NUP210L: variants seen among roughly 807,000 people sequenced by gnomAD.
The protein encoded by NUP210L is nuclear pore membrane glycoprotein 210-like.
In NUP210L, 74 loss-of-function variants were observed where a neutral mutation model predicts 208.5. The ratio of observed to expected loss-of-function variants is 0.35; its 90% CI spans 0.29 to 0.43. The LOEUF is 0.43. Among genes scored for constraint, NUP210L ranks in the 20% least tolerant of loss-of-function variants. The probability of loss-of-function intolerance (pLI) is 1.00; values close to 1 mark genes in which losing one functional copy is unlikely to be tolerated. For synonymous variants in NUP210L, 780 were observed against 816.9 expected, an observed-to-expected ratio of 0.95 and a Z score of 0.77; for missense variants, 1,843 against 2,289.4, an observed-to-expected ratio of 0.81 and a Z score of 3.98.
intron 10 of NUP210L, among the ~76,000 whole-genome samples, chr1:154,122,273 T>TA (rs1445112866): frequency 3.3e-5 from 5 of 152,184 alleles, no homozygotes; most frequent in Admixed American, 3.3e-4. Context: ...ATTCATAGTT[T>TA]AAAAACTTCC....
At chr1:154,134,528 G>C (rs1388847366) in intron 7 of NUP210L, among the ~76,000 whole-genome samples, 1 of 149,958 alleles carries the variant, frequency 6.7e-6, no homozygotes, top group Admixed American at 6.6e-5. Context: ...ACAAGGTCAG[G>C]AGATCGAGAC....
intron 38 of NUP210L, 125 bp from the exon 39 acceptor site, chr1:153,993,214 TACA>T: frequency 1.6e-6 from 1 of 617,876 alleles, no homozygotes; most frequent in South Asian, 2.6e-5. Context: ...ATGGCACTAT[TACA>T]GGAAGTTTTT....
chr1:154,009,267 A>T (rs1426594475), intron 35 of NUP210L, among the ~76,000 whole-genome samples: 1 of 152,104 alleles, frequency 6.6e-6, no homozygotes, highest in Non-Finnish European at 1.5e-5. Flanking sequence ...ATTTACATAA[A>T]GTCATCCTAA....
chr1:153,993,763 T>A (rs903273905), intron 38 of NUP210L, among the ~76,000 whole-genome samples: 1 of 152,028 alleles, frequency 6.6e-6, no homozygotes, highest in Non-Finnish European at 1.5e-5. Context: ...ACAGGTGTGG[T>A]GGCGGGTGTC....
intron 19 of NUP210L, 110 bp from the exon 20 acceptor site, chr1:154,060,751 GA>G: frequency 1.2e-6 from 1 of 823,014 alleles, no homozygotes; most frequent in Middle Eastern, 2.5e-4. Flanking sequence ...AGATTAAAGT[GA>G]ATAGACAAAA....
rs1416904209 is a variant in NUP210L at position 154,154,832 on chromosome 1, C to T, written c.203+10G>A. On this transcript the variant is annotated intron_variant, in intron 1 of 39. Coordinates refer to ENST00000368559, the Ensembl canonical transcript of NUP210L. Reference sequence around the variant, plus strand: ...GAGGGTGCATATCCTTGTCACCCACCACCCCTCACCAAGTGTAGCAGCCCC... The same window carrying T: ...GAGGGTGCATATCCTTGTCACCCACTACCCCTCACCAAGTGTAGCAGCCCC... 15 of 1,609,564 alleles carry T rather than the reference C, an allele frequency of 9.3e-6. No individual in the cohort carries two copies. The highest frequency in any genetic ancestry group is 1.3e-5 in the Non-Finnish European group (15 of 1,175,854).
chr1:154,127,954 C>T (rs1658068397), intron 8 of NUP210L, among the ~76,000 whole-genome samples: 1 of 152,100 alleles, frequency 6.6e-6, no homozygotes, highest in Admixed American at 6.6e-5. Flanking sequence ...GCCTCGACCT[C>T]CTGGGCTCAG....
chr1:154,129,890 C>T (rs1044517955), intron 7 of NUP210L, among the ~76,000 whole-genome samples: 1 of 152,238 alleles, frequency 6.6e-6, no homozygotes, highest in Non-Finnish European at 1.5e-5. Context: ...TTCTGGGTCA[C>T]TTATACCTCA....
exon 34 of NUP210L, chr1:154,012,328 G>A: frequency 1.2e-6 from 2 of 1,613,628 alleles, no homozygotes; most frequent in Non-Finnish European, 8.5e-7. Context: ...TAAGTCTTGA[G>A]GTCATAACTG....
At chr1:154,036,541 T>G (rs1652565498) in intron 27 of NUP210L, among the ~76,000 whole-genome samples, 1 of 151,218 alleles carries the variant, frequency 6.6e-6, no homozygotes, top group Non-Finnish European at 1.5e-5. Context: ...ATTTTTGTAT[T>G]TTTAGTAGAG....
intron 14 of NUP210L, among the ~76,000 whole-genome samples, chr1:154,098,880 G>C (rs1161096272): frequency 6.6e-6 from 1 of 152,210 alleles, no homozygotes; most frequent in South Asian, 2.1e-4. Flanking sequence ...CGAGGCTGTA[G>C]GTGCCAAGGG....
At chr1:154,093,072 C>A (rs1028891217) in intron 15 of NUP210L, among the ~76,000 whole-genome samples, 3 of 152,030 alleles carry the variant, frequency 2.0e-5, no homozygotes, top group Admixed American at 1.3e-4. Context: ...GGTAGTGATG[C>A]CTGCACAAGA....
chr1:154,043,802 T>G (rs1335911568), intron 27 of NUP210L, among the ~76,000 whole-genome samples: 3 of 151,708 alleles, frequency 2.0e-5, no homozygotes, highest in Admixed American at 2.0e-4. Context: ...AAATTTTGTA[T>G]TTTTAGTAGA....
chr1:154,002,121 A>C, intron 35 of NUP210L, 136 bp from the exon 36 acceptor site: 2 of 857,354 alleles, frequency 2.3e-6, no homozygotes, highest in Non-Finnish European at 1.8e-6. Context: ...TGAGTATTCA[A>C]TATCAGCACA....
At chr1:154,084,744 A>G (rs1655535333) in intron 16 of NUP210L, among the ~76,000 whole-genome samples, 1 of 150,804 alleles carries the variant, frequency 6.6e-6, no homozygotes. Flanking sequence ...AAGTGCTGGG[A>G]TTACAAGCAT....
intron 12 of NUP210L, among the ~76,000 whole-genome samples, chr1:154,111,139 T>C (rs1254383237): frequency 1.3e-5 from 2 of 150,882 alleles, no homozygotes; most frequent in African/African-American, 4.9e-5. Flanking sequence ...TCCCACCACT[T>C]TGGGAGGCCA....
At chr1:154,071,636 T>TC (rs1316014306) in intron 16 of NUP210L, among the ~76,000 whole-genome samples, 2 of 140,476 alleles carry the variant, frequency 1.4e-5, no homozygotes, top group African/African-American at 2.7e-5. Flanking sequence ...CCTTTTTTTT[T>TC]TTTTTTTTTT....
intron 3 of NUP210L, among the ~76,000 whole-genome samples, chr1:154,141,938 G>C (rs1182304853): frequency 6.6e-6 from 1 of 152,090 alleles, no homozygotes; most frequent in African/African-American, 2.4e-5. Flanking sequence ...AAGGCAGGAG[G>C]ATCGCTGGAA....
exon 40 of NUP210L, chr1:153,992,759 G>A: frequency 1.1e-6 from 1 of 918,692 alleles, no homozygotes; most frequent in Non-Finnish European, 1.7e-6. Flanking sequence ...TAATGTAGAA[G>A]TTGCTGTTAG....
Sources: gnomAD v4.1 joint callset for allele counts (sites outside exome capture counted in the v4.1 genomes callset) on GRCh38, gnomAD v4.1.1 for gene constraint, MANE v1.5 for transcripts, NCBI Gene and HGNC (gene_info 2026-07-23, HGNC 2026-07-21) for gene names.